ANKRD31: variants seen among roughly 807,000 people sequenced by gnomAD.
The protein encoded by ANKRD31 is ankyrin repeat domain 31, also known as ankyrin repeat domain-containing protein 31.
In ANKRD31, 147 loss-of-function variants were observed where a neutral mutation model predicts 186.0. The observed-to-expected ratio is 0.79, with a 90% confidence interval of 0.69 to 0.91. ANKRD31 has a LOEUF of 0.91. Among genes scored for constraint, ANKRD31 ranks in the 40% least tolerant of loss-of-function variants. The pLI is 0.00. For synonymous variants in ANKRD31, 673 were observed against 736.4 expected (o/e 0.91, Z 1.39); for missense variants, 1,986 against 2,148.8 (o/e 0.92, Z 1.50).
At chr5:75,147,672 G>T (rs1751573482) in intron 13 of ANKRD31, among the ~76,000 whole-genome samples, 167 bp from the exon 14 acceptor site, 1 of 151,812 alleles carries the variant, frequency 6.6e-6, no homozygotes, top group Admixed American at 6.6e-5. Context: ...TTTCAGAAAT[G>T]CAGACTAATA....
rs76273389 is a variant in ANKRD31, at chr5:75,189,352, T to C, written c.1409-704A>G. Among the ~76,000 whole-genome samples the C allele has an allele frequency of 8.4e-3, 1,275 of 152,304 alleles. 19 individuals are homozygous for C. Among genetic ancestry groups the C allele is most frequent in the African/African-American group, 0.028 (1,184 of 41,564 alleles). Reference sequence around the variant, plus strand: ...CTGTCAGTTTGGAGGGCAATACTCATCTGGATTTTCTGAATTTCAGAGTAG... The same window carrying C: ...CTGTCAGTTTGGAGGGCAATACTCACCTGGATTTTCTGAATTTCAGAGTAG... On this transcript the variant is annotated intron_variant, in intron 9 of 25. Transcript: ENST00000506364.
chr5:75,192,691 T>G lies in ANKRD31; in HGVS notation c.1384A>C (p.Asn462His). 6.5e-7 allele frequency: 1 copy of G among 1,532,838 alleles called. No homozygotes were observed. Among genetic ancestry groups the G allele is most frequent in the South Asian group, 1.2e-5 (1 of 83,124 alleles). 95.0% of individuals were successfully genotyped at this position (1,532,838 alleles called of 1,614,324 possible). A position where few individuals can be genotyped will look rare whatever the true frequency, so the allele number is the denominator to read the frequency against. ...CCTTTTTTTCCTGAAAATTGTTCAT[T>G]TTTCCTGATCTGTTTTCCATTCTTG... ...RFKNGKQIRK[N>H]EQFSGKKEKM... The change falls in exon 9 of 26, where the codon AAT becomes CAT. Residue 462 changes from asparagine (N) to histidine (H), a missense_variant. Coordinates refer to ENST00000506364, the MANE Select transcript of ANKRD31 (RefSeq NM_001372053.1).
intron 24 of ANKRD31, among the ~76,000 whole-genome samples, chr5:75,081,245 T>C (rs2150013362): frequency 6.6e-6 from 1 of 152,316 alleles, no homozygotes; most frequent in African/African-American, 2.4e-5. Flanking sequence ...ACCTCCATGG[T>C]TCTTAAATTA....
rs1431104285 is a variant in ANKRD31 at position 75,105,187 on chromosome 5, G to A, written c.4372C>T (p.Leu1458=). Residue 1458 remains leucine, a synonymous_variant, in exon 22 of 26, where the codon CTG becomes TTG. Coordinates refer to ENST00000506364, the MANE Select transcript of ANKRD31 (RefSeq NM_001372053.1). ...GCCAAGTTGGCCAATTGTTCTCTCAGGGCTCCATGCTTAAATGACTCTATG... is the reference window on the plus strand; with the variant it reads ...GCCAAGTTGGCCAATTGTTCTCTCAAGGCTCCATGCTTAAATGACTCTATG... ...VSIESFKHGA[L]REQLANLAAR... is the part of the protein sequence containing the mutation. The A allele has an allele frequency of 6.5e-7, 1 of 1,531,412 alleles. No individual in the cohort carries two copies. Among genetic ancestry groups the A allele is most frequent in the East Asian group, 2.4e-5 (1 of 40,892 alleles). 94.9% of individuals were successfully genotyped at this position (1,531,412 alleles called of 1,614,324 possible). A position where few individuals can be genotyped will look rare whatever the true frequency, so the allele number is the denominator to read the frequency against.
At position 75,118,153 on chromosome 5, in the gene ANKRD31, T is replaced by C. The variant is rs1229981334; in HGVS notation, c.4021A>G (p.Ser1341Gly). The part of the protein sequence containing the change: ...GAIETVNRDE[S>G]DAIVNEKIPA... ...TACATACCATTGACTATAGCATCAC[T>C]CTCATCTCTATTAACAGTCTCAATA... Residue 1341 changes from serine to glycine, a missense_variant, in exon 18 of 26, where the codon AGT becomes GGT. Transcript: ENST00000506364. 1 of 1,490,292 alleles carries C rather than the reference T, an allele frequency of 6.7e-7. No homozygotes were observed. Among genetic ancestry groups the C allele is most frequent in the South Asian group, 1.4e-5 (1 of 74,002 alleles). The allele number at this position is 1,490,292 out of a possible 1,614,324, so 92.3% of individuals were successfully genotyped here. A position where few individuals can be genotyped will look rare whatever the true frequency, so the allele number is the denominator to read the frequency against.
intron 4 of ANKRD31, among the ~76,000 whole-genome samples, chr5:75,210,004 CTAA>C (rs1175138978): frequency 6.6e-6 from 1 of 152,168 alleles, no homozygotes; most frequent in African/African-American, 2.4e-5. Flanking sequence ...AAATAGGCAA[CTAA>C]TGTGTTAGTA....
At chr5:75,193,054 T>A (rs1247492937) in intron 8 of ANKRD31, among the ~76,000 whole-genome samples, 2 of 152,082 alleles carry the variant, frequency 1.3e-5, no homozygotes, top group African/African-American at 4.8e-5. Flanking sequence ...AATCTCCTGC[T>A]CTTTACTCCC....
chr5:75,094,398 A>G (rs1746155648), intron 22 of ANKRD31, among the ~76,000 whole-genome samples: 1 of 152,184 alleles, frequency 6.6e-6, no homozygotes, highest in African/African-American at 2.4e-5. Flanking sequence ...CATAAAAAGG[A>G]AAAGGAATAA....
intron 10 of ANKRD31, among the ~76,000 whole-genome samples, chr5:75,170,154 T>C (rs1753212296): frequency 6.6e-6 from 1 of 152,158 alleles, no homozygotes; most frequent in Non-Finnish European, 1.5e-5. Flanking sequence ...TCTGTAGATA[T>C]ATATGATAGC....
chr5:75,136,162 T>C (rs1295185353), intron 17 of ANKRD31, among the ~76,000 whole-genome samples: 2 of 152,138 alleles, frequency 1.3e-5, no homozygotes, highest in South Asian at 2.1e-4. Context: ...AGTTGACAAA[T>C]GGGATCTAAT....
intron 16 of ANKRD31, 71 bp from the exon 17 acceptor site, chr5:75,138,069 T>C (rs1269748471): frequency 7.8e-7 from 1 of 1,285,980 alleles, no homozygotes; most frequent in Non-Finnish European, 1.0e-6. Context: ...TCTGTATTAC[T>C]AAGGTTTTGT....
intron 11 of ANKRD31, among the ~76,000 whole-genome samples, chr5:75,158,229 A>C (rs564796174): frequency 5.3e-5 from 8 of 152,322 alleles, no homozygotes; most frequent in African/African-American, 1.9e-4. Context: ...AAATGTAAAA[A>C]TCTTTCTGAT....
intron 23 of ANKRD31, among the ~76,000 whole-genome samples, chr5:75,087,535 A>C (rs1745595745): frequency 6.6e-6 from 1 of 152,084 alleles, no homozygotes; most frequent in Non-Finnish European, 1.5e-5. Flanking sequence ...AAAGAAAAGA[A>C]ATCTGTTCAT....
Position 75,154,347 on chromosome 5 carries a change from T to C in ANKRD31, c.1708-2A>G. The C allele has an allele frequency of 6.6e-7, 1 of 1,525,224 alleles. No individual in the cohort carries two copies. Among genetic ancestry groups the C allele is most frequent in the Non-Finnish European group, 8.8e-7 (1 of 1,142,122 alleles). The allele number at this position is 1,525,224 out of a possible 1,614,324, so 94.5% of individuals were successfully genotyped here. Reference sequence around the variant, plus strand: ...ATTCAGAAGAAGTAACTCTGCCACCTAGAAAAAGGTTATTTATGTAAGGGA... The same window carrying C: ...ATTCAGAAGAAGTAACTCTGCCACCCAGAAAAAGGTTATTTATGTAAGGGA... On this transcript the variant is annotated splice_acceptor_variant, in intron 11 of 25. Transcript: ENST00000506364. LOFTEE classifies it high-confidence loss of function.
intron 4 of ANKRD31, among the ~76,000 whole-genome samples, chr5:75,206,699 AT>A (rs1756272239): frequency 6.6e-6 from 1 of 152,184 alleles, no homozygotes; most frequent in Non-Finnish European, 1.5e-5. Flanking sequence ...AGCTGAAAAA[AT>A]AATAAATGAC....
In ANKRD31 at chr5:75,188,569, AG is replaced by A; in HGVS notation, c.1487del (p.Ala496ValfsTer14). ...CAAGATCAGCATCATCGTGTAGAGC[AG>A]CCTTATATACTAAGTTCTCTCCAAA... ...NIFGENLVYK[A>X]ALHDDADLVH... On this transcript the variant is annotated frameshift_variant, in exon 10 of 26. Transcript: ENST00000506364. LOFTEE classifies it high-confidence loss of function. 6.5e-7 allele frequency: 1 copy of A among 1,536,164 alleles called. No individual in the cohort carries two copies. The highest frequency in any genetic ancestry group is 8.7e-7 in the Non-Finnish European group (1 of 1,146,304).
chr5:75,086,150 T>A (rs1307419769), intron 23 of ANKRD31, among the ~76,000 whole-genome samples: 2 of 152,248 alleles, frequency 1.3e-5, no homozygotes, highest in Non-Finnish European at 2.9e-5. Context: ...AGGCTCAGTA[T>A]GTTCTCACCT....
intron 10 of ANKRD31, among the ~76,000 whole-genome samples, chr5:75,185,500 G>A (rs930957517): frequency 1.3e-5 from 2 of 152,112 alleles, no homozygotes; most frequent in African/African-American, 4.8e-5. Flanking sequence ...GGAGGTTGCA[G>A]TGAGCCAAGA....
intron 11 of ANKRD31, 32 bp from the exon 12 acceptor site, chr5:75,154,377 A>C: frequency 6.6e-7 from 1 of 1,512,246 alleles, no homozygotes; most frequent in Non-Finnish European, 8.8e-7. Flanking sequence ...AAGGGAACCC[A>C]GATTGAGGGT....
Sources: allele counts gnomAD v4.1 joint callset (sites outside exome capture counted in the v4.1 genomes callset), GRCh38; gene constraint gnomAD v4.1.1; transcripts MANE v1.5; gene names NCBI Gene and HGNC (gene_info 2026-07-23, HGNC 2026-07-21).